Variants in GSDME observed in about 807,000 individuals in gnomAD.
GSDME encodes the protein gasdermin-E.
A neutral mutation model predicts 47.5 loss-of-function variants in GSDME; 44 were observed. The observed-to-expected ratio is 0.93, with a 90% CI of 0.73 to 1.19. GSDME has a LOEUF of 1.19. Ranked by LOEUF, GSDME falls within the 50% of genes most tolerant of loss-of-function variation. GSDME has a pLI of 0.00. For synonymous variants in GSDME, 258 were observed against 252.8 expected, an observed-to-expected ratio of 1.02 and a Z score of -0.20; for missense variants, 663 against 604.2, an observed-to-expected ratio of 1.10 and a Z score of -1.02.
chr7:24,707,691 C>T (rs1169250585), intron 7 of GSDME: 1 of 378,976 alleles, frequency 2.6e-6, no homozygotes, highest in East Asian at 5.5e-5. Context: ...AAGACACACA[C>T]ACACACACAG....
chr7:24,717,469 G>T (rs1789611866), intron 4 of GSDME, 95 bp from the exon 5 acceptor site: 3 of 1,577,304 alleles, frequency 1.9e-6, no homozygotes, highest in Non-Finnish European at 2.6e-6. Flanking sequence ...ATACATAAGA[G>T]ATGCTGAGCA....
intron 8 of GSDME, 178 bp downstream of exon 8, chr7:24,706,006 G>GTCT: frequency 1.3e-6 from 1 of 743,588 alleles, no homozygotes; most frequent in African/African-American, 2.0e-5. Flanking sequence ...ACAGACTCGA[G>GTCT]ACCGAAGGGG....
At chr7:24,702,736 G>A in intron 9 of GSDME, 24 bp downstream of exon 9, 7 of 1,606,664 alleles carry the variant, frequency 4.4e-6, no homozygotes, top group Non-Finnish European at 6.0e-6. Flanking sequence ...TCCATTCTAA[G>A]GTCCCACCTG....
rs1470604662 is a variant in GSDME, at chr7:24,716,574, AC to A, written c.697+679del. On this transcript the variant is annotated intron_variant, in intron 5 of 9. Transcript: ENST00000645220. The surrounding 1 kb of genome is among the most constrained non-coding windows in gnomAD (Gnocchi z 4.5). ...AACATGAGGAGGGAAGGGGCTGTGAACACCTAAAGTGAGCAGACACGCTGAA... is the reference window on the plus strand; with the variant it reads ...AACATGAGGAGGGAAGGGGCTGTGAAACCTAAAGTGAGCAGACACGCTGAA... The A allele has an allele frequency of 2.6e-5, 4 of 154,712 alleles. No individual in the cohort carries two copies. The highest frequency in any genetic ancestry group is 4.3e-5 in the Non-Finnish European group (3 of 69,780). 9.6% of individuals were successfully genotyped at this position (154,712 alleles called of 1,614,324 possible). A position where few individuals can be genotyped will look rare whatever the true frequency, so the allele number is the denominator to read the frequency against.
rs968497724 is a variant in GSDME at position 24,718,822 on chromosome 7, T to G, written c.576+225A>C. The stretch of plus-strand genomic sequence containing the variant: ...TCAACCCAGGGAAAGCAGCTCCCTA[T>G]ATATCCTCAAGGCCTGGATCCAGCA... On this transcript the variant is annotated intron_variant, in intron 4 of 9. Transcript: ENST00000645220. 2.6e-4 allele frequency among the ~76,000 whole-genome samples: 7 copies of G among 27,008 alleles called. No individual in the cohort carries two copies. In the East Asian group the frequency reaches 0.35, roughly 1,350 times the overall value. The allele number at this position is 27,008 out of a possible 152,430, so 17.7% of individuals were successfully genotyped here.
chr7:24,737,617 GAGA>G (rs1245808968), intron 3 of GSDME, among the ~76,000 whole-genome samples: 2 of 151,616 alleles, frequency 1.3e-5, no homozygotes, highest in East Asian at 1.9e-4. Context: ...CCAAAAAACA[GAGA>G]AGGAGGGAAT....
At chr7:24,730,278 A>AT (rs1036217962) in intron 3 of GSDME, among the ~76,000 whole-genome samples, 6 of 152,234 alleles carry the variant, frequency 3.9e-5, no homozygotes, top group South Asian at 2.1e-4. Flanking sequence ...TGAGACACAT[A>AT]TTTTTTTCTT....
the GSDME span, among the ~76,000 whole-genome samples, chr7:24,779,893 C>T: frequency 6.6e-6 from 1 of 152,214 alleles, no homozygotes; most frequent in Admixed American, 6.5e-5. This position sits in a 1 kb window ranked among gnomAD's most constrained non-coding sequence, Gnocchi z 6.0. Flanking sequence ...CCAAAGCTGC[C>T]AGCACATTTC....
At position 24,708,167 on chromosome 7, in the gene GSDME, A is replaced by C; in HGVS notation, c.950T>G (p.Val317Gly). 1 of 1,614,102 alleles carries C rather than the reference A, an allele frequency of 6.2e-7. No homozygotes were observed. The highest frequency in any genetic ancestry group is 8.5e-7 in the Non-Finnish European group (1 of 1,180,020). The change falls in exon 7 of 10, where the codon GTC (valine) becomes GGC (glycine). Residue 317 changes from valine (V) to glycine (G), a missense_variant. Physicochemically the swap from Val to Gly is moderately radical, Grantham distance 109. Transcript: ENST00000645220. ...QTALSDIFQA[V>G]LFDDELLMVL... ...CATGAGTAGTTCATCATCAAATAGG[A>C]CCGCCTGGAAGATGTCACTCAAAGC...
chr7:24,699,581 C>A (rs1788777599), intron 9 of GSDME, among the ~76,000 whole-genome samples: 1 of 152,208 alleles, frequency 6.6e-6, no homozygotes, highest in South Asian at 2.1e-4. Context: ...CTCAGGTGAT[C>A]TGCCCACCTC....
In GSDME at chr7:24,714,269, T is replaced by A. The variant is rs1044285976; in HGVS notation, c.697+2985A>T. On this transcript the variant is annotated intron_variant, in intron 5 of 9. Coordinates refer to ENST00000645220, the MANE Select transcript of GSDME (RefSeq NM_001127453.2). The surrounding 1 kb of genome is among the most constrained non-coding windows in gnomAD (Gnocchi z 5.0). Reference sequence around the variant, plus strand: ...AGATGGAGTCTGCCTCCCTTCGAGGTTTCAAAGGACGACCAGGATCTCTGT... The same window carrying A: ...AGATGGAGTCTGCCTCCCTTCGAGGATTCAAAGGACGACCAGGATCTCTGT... Among the ~76,000 whole-genome samples, 1 of 151,180 alleles carries A rather than the reference T, an allele frequency of 6.6e-6. No individual in the cohort carries two copies. The highest frequency in any genetic ancestry group is 1.5e-5 in the Non-Finnish European group (1 of 67,798).
At chr7:24,753,734 G>A (rs1790929845) in intron 1 of GSDME, among the ~76,000 whole-genome samples, 1 of 152,190 alleles carries the variant, frequency 6.6e-6, no homozygotes, top group Admixed American at 6.5e-5. Context: ...ATAAAATCAA[G>A]CATCTTTTAT....
At chr7:24,741,886 C>T (rs1272494763) in intron 3 of GSDME, among the ~76,000 whole-genome samples, 1 of 152,218 alleles carries the variant, frequency 6.6e-6, no homozygotes, top group Non-Finnish European at 1.5e-5. Context: ...CTTCCCGCCC[C>T]TGTCCTCCCC....
At position 24,721,805 on chromosome 7, in the gene GSDME, C is replaced by G. The variant is rs981954379; in HGVS notation, c.405-2587G>C. Among the ~76,000 whole-genome samples, 3 of 152,210 alleles carry G rather than the reference C, an allele frequency of 2.0e-5. No homozygotes were observed. Among genetic ancestry groups the G allele is most frequent in the African/African-American group, 7.2e-5 (3 of 41,460 alleles). On this transcript the variant is annotated intron_variant, in intron 3 of 9. Transcript: ENST00000645220. This position sits in a 1 kb window ranked among gnomAD's most constrained non-coding sequence, Gnocchi z 4.1. ...ATCCCATGTCCAGTGCGTTCCCAGG[C>G]TGAGGCCCCATGTGATCTGCCCTGC...
intron 4 of GSDME, among the ~76,000 whole-genome samples, chr7:24,717,817 C>A (rs973456923): frequency 1.3e-5 from 2 of 152,160 alleles, no homozygotes; most frequent in Admixed American, 1.3e-4. Flanking sequence ...GTAGATGGTG[C>A]ACAGTGCTGA....
At chr7:24,737,117 C>T (rs1790331132) in intron 3 of GSDME, among the ~76,000 whole-genome samples, 1 of 151,726 alleles carries the variant, frequency 6.6e-6, no homozygotes, top group African/African-American at 2.4e-5. Flanking sequence ...AAGATCAAAC[C>T]AAATCCAAAG....
chr7:24,717,140 C>G (rs1789591640), intron 5 of GSDME, 114 bp downstream of exon 5: 2 of 1,148,354 alleles, frequency 1.7e-6, no homozygotes, highest in Admixed American at 3.8e-5. Flanking sequence ...AGACCTCTTT[C>G]CCTCTCTTCC....
At chr7:24,790,010 A>C in the GSDME span, among the ~76,000 whole-genome samples, 3 of 152,204 alleles carry the variant, frequency 2.0e-5, no homozygotes, top group Non-Finnish European at 4.4e-5. The surrounding 1 kb of genome is among the most constrained non-coding windows in gnomAD (Gnocchi z 4.1). Context: ...ACCATTTTCC[A>C]AACATGGCCC....
chr7:24,744,261 G>T lies in GSDME; in HGVS notation c.404+301C>A. The T allele has an allele frequency of 2.5e-6, 1 of 408,096 alleles. No individual in the cohort carries two copies. The highest frequency in any genetic ancestry group is 4.6e-6 in the Non-Finnish European group (1 of 219,466). The allele number at this position is 408,096 out of a possible 1,614,324, so 25.3% of individuals were successfully genotyped here. ...GCTTCTAAAGTTAATATTCAAAAAT[G>T]CAGGACAGAGCATTTTTACCGTTCG... On this transcript the variant is annotated intron_variant, in intron 3 of 9. Transcript: ENST00000645220. This position sits in a 1 kb window ranked among gnomAD's most constrained non-coding sequence, Gnocchi z 4.5.
Sources: gnomAD v4.1 joint callset for allele counts (sites outside exome capture counted in the v4.1 genomes callset) on GRCh38, gnomAD v4.1.1 for gene constraint, Gnocchi (gnomAD v3.1) non-coding constraint, MANE v1.5 for transcripts, NCBI Gene and HGNC (gene_info 2026-07-23, HGNC 2026-07-21) for gene names.